Variants in KCNMB2 observed in about 807,000 individuals in gnomAD.
The protein encoded by KCNMB2 is calcium-activated potassium channel subunit beta-2.
Under a neutral mutation model 24.5 loss-of-function variants are expected in KCNMB2, and 9 were observed. The ratio of observed to expected loss-of-function variants is 0.37; its 90% CI spans 0.22 to 0.64. The LOEUF is 0.64. Ranked by LOEUF, KCNMB2 falls within the 30% of genes least tolerant of loss-of-function variation. The pLI is 0.63. For missense variants in KCNMB2, 226 were observed against 284.3 expected, an observed-to-expected ratio of 0.79 and a Z score of 1.47; for synonymous variants, 109 against 104.4, an observed-to-expected ratio of 1.04 and a Z score of -0.27.
At chr3:178,700,774 A>AC (rs1321818630) in intron 1 of KCNMB2, among the ~76,000 whole-genome samples, 1 of 151,840 alleles carries the variant, frequency 6.6e-6, no homozygotes, top group Non-Finnish European at 1.5e-5. Flanking sequence ...AGTGTAAAAA[A>AC]AAAAACCAAC....
chr3:178,560,898 G>A (rs1434260631), intron 1 of KCNMB2, among the ~76,000 whole-genome samples: 1 of 152,186 alleles, frequency 6.6e-6, no homozygotes, highest in Non-Finnish European at 1.5e-5. Flanking sequence ...CAAACCCAGC[G>A]TGACCTGAGC....
intron 1 of KCNMB2, among the ~76,000 whole-genome samples, chr3:178,702,512 T>G (rs1722137825): frequency 6.6e-6 from 1 of 151,752 alleles, no homozygotes; most frequent in Non-Finnish European, 1.5e-5. Context: ...CCTGGTTGAG[T>G]GTGAAACTGA....
chr3:178,654,284 G>T (rs1720240827), intron 1 of KCNMB2, among the ~76,000 whole-genome samples: 1 of 152,080 alleles, frequency 6.6e-6, no homozygotes, highest in African/African-American at 2.4e-5. Flanking sequence ...CAACGAAGGA[G>T]ATTTTGGTTT....
chr3:178,757,760 A>G (rs1222146163), intron 1 of KCNMB2, among the ~76,000 whole-genome samples: 2 of 61,058 alleles, frequency 3.3e-5, no homozygotes, highest in Non-Finnish European at 6.7e-5. Flanking sequence ...AAGAGGATAT[A>G]TATATATATC....
At chr3:178,792,292 T>C (rs1713353165) in intron 1 of KCNMB2, among the ~76,000 whole-genome samples, 1 of 152,184 alleles carries the variant, frequency 6.6e-6, no homozygotes, top group Non-Finnish European at 1.5e-5. Context: ...CTCTTATTTG[T>C]CTGCTTGTTG....
chr3:178,627,902 A>G (rs1284208360), intron 1 of KCNMB2, among the ~76,000 whole-genome samples: 1 of 152,202 alleles, frequency 6.6e-6, no homozygotes, highest in Non-Finnish European at 1.5e-5. Flanking sequence ...TGATGGAAGG[A>G]AAAAGTGAGA....
intron 1 of KCNMB2, among the ~76,000 whole-genome samples, chr3:178,734,685 T>C (rs529500706): frequency 3.9e-5 from 6 of 152,224 alleles, no homozygotes; most frequent in African/African-American, 9.6e-5. Flanking sequence ...ACCCAAGTCC[T>C]CTGATTCCAA....
intron 1 of KCNMB2, among the ~76,000 whole-genome samples, chr3:178,662,418 T>C (rs1243672904): frequency 6.6e-6 from 1 of 152,146 alleles, no homozygotes; most frequent in Admixed American, 6.6e-5. Flanking sequence ...AAATGCAAGA[T>C]AAATATGATG....
intron 2 of KCNMB2, among the ~76,000 whole-genome samples, chr3:178,822,788 A>G (rs1023386401): frequency 6.6e-6 from 1 of 152,218 alleles, no homozygotes; most frequent in Non-Finnish European, 1.5e-5. Flanking sequence ...TTTTTGAATT[A>G]CACGTTTGAA....
intron 1 of KCNMB2, among the ~76,000 whole-genome samples, chr3:178,639,668 C>G (rs544295643): frequency 1.3e-5 from 2 of 152,304 alleles, no homozygotes; most frequent in African/African-American, 4.8e-5. Context: ...CTAAATGGTC[C>G]ATTCCCCTGT....
At chr3:178,754,177 T>TATATATATATACAC (rs1435109631) in intron 1 of KCNMB2, among the ~76,000 whole-genome samples, 62 of 117,216 alleles carry the variant, frequency 5.3e-4, no homozygotes, top group African/African-American at 1.6e-3. Context: ...TATATATATA[T>TATATATATATACAC]ACACACACAC....
At chr3:178,596,683 A>T (rs1016816390) in intron 1 of KCNMB2, among the ~76,000 whole-genome samples, 1 of 151,820 alleles carries the variant, frequency 6.6e-6, no homozygotes, top group Non-Finnish European at 1.5e-5. Context: ...CTAGCCCCAC[A>T]TTCCCACCAA....
intron 1 of KCNMB2, among the ~76,000 whole-genome samples, chr3:178,697,557 C>T (rs1721925539): frequency 6.6e-6 from 1 of 152,124 alleles, no homozygotes; most frequent in Admixed American, 6.5e-5. Flanking sequence ...GTTCTTTATC[C>T]AGCTTACCTC....
chr3:178,771,805 C>T (rs1329928780), intron 1 of KCNMB2, among the ~76,000 whole-genome samples: 1 of 152,118 alleles, frequency 6.6e-6, no homozygotes, highest in East Asian at 1.9e-4. Context: ...ACCACCAGAT[C>T]CCTTACCCCT....
chr3:178,603,560 C>T (rs74503527), intron 1 of KCNMB2, among the ~76,000 whole-genome samples: 1 of 152,210 alleles, frequency 6.6e-6, no homozygotes, highest in African/African-American at 2.4e-5. Flanking sequence ...AAGAAATGAA[C>T]AGAATAGAAG....
intron 1 of KCNMB2, among the ~76,000 whole-genome samples, chr3:178,625,169 AG>A (rs1015955029): frequency 1.3e-5 from 2 of 151,980 alleles, no homozygotes; most frequent in Admixed American, 6.6e-5. Context: ...CCCAGGAGCC[AG>A]GGGGCACCTC....
intron 1 of KCNMB2, among the ~76,000 whole-genome samples, chr3:178,577,747 C>A (rs1717049078): frequency 6.6e-6 from 1 of 151,880 alleles, no homozygotes; most frequent in Non-Finnish European, 1.5e-5. Flanking sequence ...ATATCAATAG[C>A]CGAATCGATT....
At chr3:178,664,816 G>T (rs1298449356) in intron 1 of KCNMB2, among the ~76,000 whole-genome samples, 2 of 152,020 alleles carry the variant, frequency 1.3e-5, no homozygotes, top group Non-Finnish European at 2.9e-5. Context: ...ATTAGATGAA[G>T]TTCTATTGAC....
intron 1 of KCNMB2, among the ~76,000 whole-genome samples, chr3:178,609,558 T>C (rs891264336): frequency 6.6e-6 from 1 of 152,182 alleles, no homozygotes; most frequent in Non-Finnish European, 1.5e-5. Flanking sequence ...TTTGCCCAGA[T>C]AAATGTCCTG....
Sources: allele counts gnomAD v4.1 joint callset (sites outside exome capture counted in the v4.1 genomes callset), GRCh38; gene constraint gnomAD v4.1.1; transcripts MANE v1.5; gene names NCBI Gene and HGNC (gene_info 2026-07-23, HGNC 2026-07-21).